ZNF729: variants seen among roughly 807,000 people sequenced by gnomAD.
ZNF729 encodes zinc finger protein 729.
ZNF729 carries 15 observed loss-of-function variants against 12.2 expected under a neutral mutation model. That is an observed-to-expected ratio of 1.23 (90% CI 0.82 to 1.89). The LOEUF (loss-of-function observed/expected upper bound fraction) is 1.89, where lower values mean the gene tolerates loss of function less well. ZNF729 is among the 40% of genes most tolerant of loss of function. The pLI is 0.00. For missense variants in ZNF729, 1,540 were observed against 1,456.7 expected, an observed-to-expected ratio of 1.06 and a Z score of -0.93; for synonymous variants, 492 against 476.3, an observed-to-expected ratio of 1.03 and a Z score of -0.43.
intron 1 of ZNF729, among the ~76,000 whole-genome samples, chr19:22,294,171 T>C (rs191968778): frequency 6.6e-6 from 1 of 152,372 alleles, no homozygotes; most frequent in Non-Finnish European, 1.5e-5. Flanking sequence ...GGGTCCAGTT[T>C]CAATTTTCTA....
chr19:22,286,556 G>C lies in ZNF729; in HGVS notation c.30+1G>C. Reference sequence around the variant, plus strand: ...AGGTGCCCCTGGCAGCCTAGAAATGGTGAGAGTGCCGGGTCCGACATCCCG... The same window carrying C: ...AGGTGCCCCTGGCAGCCTAGAAATGCTGAGAGTGCCGGGTCCGACATCCCG... On this transcript the variant is annotated splice_donor_variant, in intron 1 of 3. Coordinates refer to ENST00000601693, the MANE Select transcript of ZNF729 (RefSeq NM_001242680.2). LOFTEE classifies it high-confidence loss of function. The C allele has an allele frequency of 6.2e-7, 1 of 1,613,962 alleles. No individual in the cohort carries two copies. Among genetic ancestry groups the C allele is most frequent in the East Asian group, 2.2e-5 (1 of 44,844 alleles).
chr19:22,307,800 GTTTTTTTTTTTTT>G, intron 3 of ZNF729, among the ~76,000 whole-genome samples: 1 of 53,370 alleles, frequency 1.9e-5, no homozygotes, highest in East Asian at 5.7e-4. Flanking sequence ...AAAGCTCTGT[GTTTTTTTTTTTTT>G]TTTTTTTTTT....
intron 1 of ZNF729, among the ~76,000 whole-genome samples, chr19:22,287,559 G>A (rs1429920123): frequency 3.3e-5 from 5 of 152,006 alleles, no homozygotes; most frequent in African/African-American, 1.2e-4. Context: ...GAGCCGCTGC[G>A]CTCGGCCGAA....
chr19:22,290,682 CTT>C (rs1161578235), intron 1 of ZNF729, among the ~76,000 whole-genome samples: 1 of 151,950 alleles, frequency 6.6e-6, no homozygotes. Flanking sequence ...AGGAAATAAA[CTT>C]AAGTAATGTT....
At chr19:22,287,043 A>C (rs1200033090) in intron 1 of ZNF729, among the ~76,000 whole-genome samples, 1 of 152,328 alleles carries the variant, frequency 6.6e-6, no homozygotes, top group Admixed American at 6.5e-5. Context: ...TTTATGGTCT[A>C]TGGAAGGGAT....
At chr19:22,298,434 C>T (rs1968260474) in intron 1 of ZNF729, among the ~76,000 whole-genome samples, 1 of 152,144 alleles carries the variant, frequency 6.6e-6, no homozygotes, top group Non-Finnish European at 1.5e-5. Context: ...ATAAAATTTA[C>T]TACCAAATTG....
chr19:22,298,629 T>G (rs1175034504), intron 1 of ZNF729, among the ~76,000 whole-genome samples: 1 of 152,176 alleles, frequency 6.6e-6, no homozygotes, highest in Non-Finnish European at 1.5e-5. Flanking sequence ...TTCTCCTGCC[T>G]CAGCCTCCCT....
At chr19:22,288,332 C>G (rs1310095274) in intron 1 of ZNF729, among the ~76,000 whole-genome samples, 1 of 145,358 alleles carries the variant, frequency 6.9e-6, no homozygotes, top group Non-Finnish European at 1.5e-5. Context: ...TTTTTTTCCT[C>G]CTAGGCCCAC....
intron 1 of ZNF729, among the ~76,000 whole-genome samples, chr19:22,302,886 T>A (rs1568573998): frequency 6.6e-6 from 1 of 151,994 alleles, no homozygotes. Flanking sequence ...ACCTCCTGAG[T>A]TCAAGTGATT....
chr19:22,298,279 C>G (rs1968258079), intron 1 of ZNF729, among the ~76,000 whole-genome samples: 1 of 151,862 alleles, frequency 6.6e-6, no homozygotes, highest in Non-Finnish European at 1.5e-5. Flanking sequence ...GCTGTTCATA[C>G]TTTTGAAACA....
chr19:22,288,689 C>T (rs1968113251), intron 1 of ZNF729, among the ~76,000 whole-genome samples: 2 of 152,130 alleles, frequency 1.3e-5, no homozygotes, highest in East Asian at 3.9e-4. Flanking sequence ...TTATTGAAGA[C>T]CCAACCCAGC....
chr19:22,313,708 T>G lies in ZNF729; in HGVS notation c.291T>G (p.Asp97Glu), dbSNP rs1453568385. 1 of 1,548,202 alleles carries G rather than the reference T, an allele frequency of 6.5e-7. No homozygotes were observed. Among genetic ancestry groups the G allele is most frequent in the Non-Finnish European group, 8.7e-7 (1 of 1,154,174 alleles). Reference protein sequence around the residue: ...RSHFTQDLWPDQSTKDSFQEV... With the variant: ...RSHFTQDLWPEQSTKDSFQEV... ...ATTTTACACAAGACCTTTGGCCAGA[T>G]CAGAGCACAAAAGATTCTTTCCAAG... is the stretch of plus-strand genomic sequence containing the variant. Residue 97 changes from aspartate to glutamate, a missense_variant, in exon 4 of 4, where the codon GAT (aspartate) becomes GAG (glutamate). Coordinates refer to ENST00000601693, the MANE Select transcript of ZNF729 (RefSeq NM_001242680.2).
rs778152398 is a variant in ZNF729 at position 22,313,746 on chromosome 19, G to C, written c.329G>C (p.Arg110Thr). Residue 110 changes from arginine (R) to threonine (T), a missense_variant, in exon 4 of 4, where the codon AGA becomes ACA. Physicochemically the swap from Arg to Thr is moderately conservative, Grantham distance 71. Coordinates refer to ENST00000601693, the MANE Select transcript of ZNF729 (RefSeq NM_001242680.2). ...GATTCTTTCCAAGAAGTAATACTGAGAACATATGCAAGATGTGGACATAAG... is the reference window on the plus strand; with the variant it reads ...GATTCTTTCCAAGAAGTAATACTGACAACATATGCAAGATGTGGACATAAG... ...TKDSFQEVIL[R>T]TYARCGHKNL... 1.3e-6 allele frequency: 2 copies of C among 1,591,400 alleles called. No individual in the cohort carries two copies. Among genetic ancestry groups the C allele is most frequent in the South Asian group, 2.3e-5 (2 of 87,562 alleles).
chr19:22,292,002 G>A (rs1968162081), intron 1 of ZNF729, among the ~76,000 whole-genome samples: 1 of 151,958 alleles, frequency 6.6e-6, no homozygotes, highest in Admixed American at 6.6e-5. Flanking sequence ...AAAGTGCTGG[G>A]ATTACAGGCG....
chr19:22,305,903 A>T (rs560753220), intron 3 of ZNF729, among the ~76,000 whole-genome samples: 54 of 152,230 alleles, frequency 3.5e-4, no homozygotes, highest in African/African-American at 1.3e-3. Flanking sequence ...TCTCAAACTC[A>T]GATAATCCTC....
intron 3 of ZNF729, among the ~76,000 whole-genome samples, chr19:22,308,552 T>C (rs1178175320): frequency 6.6e-6 from 1 of 152,100 alleles, no homozygotes; most frequent in East Asian, 1.9e-4. Context: ...TGATTTTTTT[T>C]TTATTATGGC....
intron 3 of ZNF729, among the ~76,000 whole-genome samples, chr19:22,308,749 AT>A: frequency 6.6e-6 from 1 of 151,936 alleles, no homozygotes; most frequent in Admixed American, 6.6e-5. Flanking sequence ...GTTTGAGTGC[AT>A]TGTAGATTCC....
chr19:22,315,838 G>A lies in ZNF729; in HGVS notation c.2421G>A (p.Trp807Ter). The A allele has an allele frequency of 6.2e-7, 1 of 1,609,594 alleles. No homozygotes were observed. The highest frequency in any genetic ancestry group is 8.5e-7 in the Non-Finnish European group (1 of 1,179,388). ...KCEECGKAFK[W>*]SSKLTVHKVI... The stretch of plus-strand genomic sequence containing the variant: ...AAGAATGTGGTAAAGCTTTTAAGTG[G>A]TCCTCAAAGCTTACTGTACATAAGG... The change falls in exon 4 of 4, where the codon TGG becomes TGA. Residue 807 changes from tryptophan (W) to a stop codon, truncating the protein, a stop_gained. Transcript: ENST00000601693. LOFTEE classifies it low-confidence loss of function (END_TRUNC).
In ZNF729 at chr19:22,316,669, T is replaced by C. The variant is rs775368386; in HGVS notation, c.3252T>C (p.Ala1084=). ...GCAAATGTGAAGAATGTGACAAAGCTTTTAAGCATTTCTCAGCCCTTAGAA... is the reference window on the plus strand; with the variant it reads ...GCAAATGTGAAGAATGTGACAAAGCCTTTAAGCATTTCTCAGCCCTTAGAA... ...KPCKCEECDK[A]FKHFSALRKH... Residue 1084 remains alanine (A), a synonymous_variant, in exon 4 of 4, where the codon GCT becomes GCC. Transcript: ENST00000601693. 2.7e-5 allele frequency: 43 copies of C among 1,612,440 alleles called. No individual in the cohort carries two copies. Among genetic ancestry groups the C allele is most frequent in the South Asian group, 5.5e-5 (5 of 91,058 alleles).
Sources: gnomAD v4.1 joint callset for allele counts (sites outside exome capture counted in the v4.1 genomes callset) on GRCh38, gnomAD v4.1.1 for gene constraint, MANE v1.5 for transcripts, NCBI Gene and HGNC (gene_info 2026-07-23, HGNC 2026-07-21) for gene names.